Variants in CHST9 observed in about 807,000 individuals in gnomAD.
CHST9 encodes the protein carbohydrate sulfotransferase 9, also known as GalNAc-4-sulfotransferase 2.
In CHST9, 41 loss-of-function variants were observed where a neutral mutation model predicts 44.4. The observed-to-expected ratio is 0.92, with a 90% CI of 0.72 to 1.20. The LOEUF (loss-of-function observed/expected upper bound fraction) is 1.20. Among genes scored for constraint, CHST9 ranks in the 50% most tolerant of loss-of-function variants. The probability of loss-of-function intolerance (pLI) is 0.00; values close to 1 mark genes in which losing one functional copy is unlikely to be tolerated. For synonymous variants in CHST9, 171 were observed against 178.4 expected, an observed-to-expected ratio of 0.96 and a Z score of 0.33; for missense variants, 504 against 516.5, an observed-to-expected ratio of 0.98 and a Z score of 0.23.
chr18:26,952,497 TG>T, intron 4 of CHST9: 1 of 457,602 alleles, frequency 2.2e-6, no homozygotes, highest in Non-Finnish European at 4.2e-6. Context: ...GTATAAACCC[TG>T]GAGGACCAGT....
rs1280666549 is a variant in CHST9, at chr18:27,149,389, C to A, written c.-96-6484G>T. On this transcript the variant is annotated intron_variant, in intron 1 of 5. Transcript: ENST00000618847. ...GACATGATCTCATTCTTTTTCATGG[C>A]TGCATAGTATTCCACGGTATAGACG... Among the ~76,000 whole-genome samples, 5 of 152,112 alleles carry A rather than the reference C, an allele frequency of 3.3e-5. No individual in the cohort carries two copies. The East Asian group carries it at 9.6e-4, about 29-fold the overall frequency.
At chr18:27,150,013 T>C (rs2058647163) in intron 1 of CHST9, among the ~76,000 whole-genome samples, 2 of 152,144 alleles carry the variant, frequency 1.3e-5, no homozygotes, top group African/African-American at 4.8e-5. Context: ...ATTTTGCTTG[T>C]AGTATTGTGG....
intron 4 of CHST9, among the ~76,000 whole-genome samples, chr18:26,955,227 T>G (rs1380185932): frequency 4.8e-5 from 4 of 83,328 alleles, no homozygotes; most frequent in Admixed American, 3.0e-4. Flanking sequence ...GAATTCTGTT[T>G]TTTTTTTTTT....
intron 3 of CHST9, among the ~76,000 whole-genome samples, chr18:27,028,791 G>A (rs1474947999): frequency 3.3e-5 from 5 of 151,980 alleles, no homozygotes; most frequent in African/African-American, 1.2e-4. Flanking sequence ...CTCGTGATCC[G>A]CCCGTCTCAG....
intron 3 of CHST9, among the ~76,000 whole-genome samples, chr18:27,032,124 C>A (rs960956606): frequency 1.1e-4 from 17 of 152,144 alleles, no homozygotes; most frequent in Non-Finnish European, 2.1e-4. Flanking sequence ...TCTATCAAAG[C>A]TTCTGTTGCT....
chr18:27,030,427 T>A (rs1295503159), intron 3 of CHST9, among the ~76,000 whole-genome samples: 1 of 152,164 alleles, frequency 6.6e-6, no homozygotes, highest in Non-Finnish European at 1.5e-5. Flanking sequence ...AGTAAACAAG[T>A]AAAGAGTATA....
At chr18:26,984,968 C>A (rs1440716303) in intron 4 of CHST9, among the ~76,000 whole-genome samples, 1 of 152,096 alleles carries the variant, frequency 6.6e-6, no homozygotes, top group Admixed American at 6.5e-5. Flanking sequence ...AAAGCATATG[C>A]CTGTCCCATC....
chr18:26,937,993 T>C (rs1056417801), intron 5 of CHST9, among the ~76,000 whole-genome samples: 1 of 152,088 alleles, frequency 6.6e-6, no homozygotes, highest in Non-Finnish European at 1.5e-5. Context: ...GCACAATTAT[T>C]GATGGCAATT....
intron 5 of CHST9, among the ~76,000 whole-genome samples, chr18:26,926,989 T>C (rs753055783): frequency 4.6e-5 from 7 of 152,224 alleles, no homozygotes; most frequent in Non-Finnish European, 1.0e-4. Context: ...TTTAGTTGTC[T>C]GAAATTAGTA....
In CHST9 at chr18:26,916,196, A is replaced by T. The variant is rs1398353057; in HGVS notation, c.*63T>A. On this transcript the variant is annotated 3_prime_UTR_variant, in exon 6 of 6. Transcript: ENST00000618847. ...CTGTCATACAGAGAATTATAGAAAA[A>T]TTACAGCTGATTTGAACTTATCATC... 8.0e-7 allele frequency: 1 copy of T among 1,251,458 alleles called. No individual in the cohort carries two copies. The highest frequency in any genetic ancestry group is 1.1e-6 in the Non-Finnish European group (1 of 898,558). The allele number at this position is 1,251,458 out of a possible 1,614,324, so 77.5% of individuals were successfully genotyped here.
At chr18:27,150,525 A>G (rs555130644) in intron 1 of CHST9, among the ~76,000 whole-genome samples, 8 of 151,338 alleles carry the variant, frequency 5.3e-5, no homozygotes, top group Non-Finnish European at 8.8e-5. Context: ...CAGCTTCCAA[A>G]TTTAAAGTCT....
At chr18:26,999,735 T>A (rs1322924616) in intron 4 of CHST9, among the ~76,000 whole-genome samples, 1 of 152,186 alleles carries the variant, frequency 6.6e-6, no homozygotes, top group Non-Finnish European at 1.5e-5. Context: ...AGGTCCAAAT[T>A]ACCTACCTTT....
chr18:26,978,454 T>C (rs552062707), intron 4 of CHST9, among the ~76,000 whole-genome samples: 1 of 152,212 alleles, frequency 6.6e-6, no homozygotes, highest in Non-Finnish European at 1.5e-5. Context: ...CACAAATGTA[T>C]AGAGCATCTC....
intron 5 of CHST9, among the ~76,000 whole-genome samples, chr18:26,923,232 TG>T (rs2055696035): frequency 6.6e-6 from 1 of 152,218 alleles, no homozygotes. Context: ...TATTGGAAGC[TG>T]GGAGAGCAGA....
chr18:27,099,468 T>A (rs1200747619), intron 2 of CHST9, among the ~76,000 whole-genome samples: 5 of 152,002 alleles, frequency 3.3e-5, no homozygotes, highest in Non-Finnish European at 7.4e-5. Context: ...ACAGAATTGA[T>A]AAGGAACTTA....
intron 1 of CHST9, among the ~76,000 whole-genome samples, chr18:27,182,691 C>T (rs1022917056): frequency 6.6e-6 from 1 of 152,178 alleles, no homozygotes; most frequent in African/African-American, 2.4e-5. Flanking sequence ...TATCTCAAAT[C>T]TTGCTTTATT....
intron 4 of CHST9, among the ~76,000 whole-genome samples, chr18:26,949,372 C>T (rs12956514): frequency 0.18 from 27,729 of 151,866 alleles, 2,621 homozygotes; most frequent in East Asian, 0.23. Context: ...TACAGCAAGA[C>T]CTCATCTCTA....
At chr18:26,919,464 A>G (rs1307700319) in intron 5 of CHST9, among the ~76,000 whole-genome samples, 1 of 152,208 alleles carries the variant, frequency 6.6e-6, no homozygotes, top group Non-Finnish European at 1.5e-5. Context: ...CATGGAAAGT[A>G]CTTAGCACAG....
At chr18:27,154,952 C>T (rs1184065468) in intron 1 of CHST9, among the ~76,000 whole-genome samples, 2 of 151,646 alleles carry the variant, frequency 1.3e-5, no homozygotes, top group African/African-American at 2.4e-5. Flanking sequence ...CATGGTAGTG[C>T]GCTCCTGTAA....
Sources: gnomAD v4.1 joint callset for allele counts (sites outside exome capture counted in the v4.1 genomes callset) on GRCh38, gnomAD v4.1.1 for gene constraint, MANE v1.5 for transcripts, NCBI Gene and HGNC (gene_info 2026-07-23, HGNC 2026-07-21) for gene names.